Variants in NEURL4 observed in about 807,000 individuals in gnomAD.
NEURL4 encodes the protein neuralized-like protein 4.
Under a neutral mutation model 148.0 loss-of-function variants are expected in NEURL4, and 45 were observed. The observed-to-expected ratio is 0.30, with a 90% CI of 0.24 to 0.39. The LOEUF (loss-of-function observed/expected upper bound fraction) is 0.39, where lower values mean the gene tolerates loss of function less well. Ranked by LOEUF, NEURL4 falls within the 10% of genes least tolerant of loss-of-function variation. NEURL4 has a pLI of 1.00. For missense variants in NEURL4, 1,776 were observed against 2,144.0 expected (o/e 0.83, Z 3.39); for synonymous variants, 854 against 869.0 (o/e 0.98, Z 0.30).
In NEURL4 at chr17:7,325,657, A is replaced by G; in HGVS notation, c.1350T>C (p.Ile450=). ...GGCCCTTACCCTGATCGATACCATT[A>G]ATGAAGAAGTGTAGGGCAGAGTTGG... ...RKSNSALHFF[I]NGIDQGVATP... is the part of the protein sequence containing the mutation. Residue 450 remains isoleucine (I), a synonymous_variant, in exon 7 of 29, where the codon ATT becomes ATC. Coordinates refer to ENST00000399464, the MANE Select transcript of NEURL4 (RefSeq NM_032442.3). The G allele has an allele frequency of 6.2e-7, 1 of 1,613,722 alleles. No individual in the cohort carries two copies. The highest frequency in any genetic ancestry group is 8.5e-7 in the Non-Finnish European group (1 of 1,179,896).
intron 6 of NEURL4, among the ~76,000 whole-genome samples, chr17:7,325,992 G>A (rs1004875352): frequency 2.0e-5 from 3 of 152,186 alleles, no homozygotes; most frequent in African/African-American, 7.2e-5. Context: ...TGCAGGAGGT[G>A]GGGGAGCAAT....
Position 7,325,466 on chromosome 17 carries a change from T to C in NEURL4, c.1374A>G (p.Ala458=). The change falls in exon 8 of 29, where the codon GCA becomes GCG. Residue 458 remains alanine (A), a synonymous_variant. Coordinates refer to ENST00000399464, the MANE Select transcript of NEURL4 (RefSeq NM_032442.3). The stretch of plus-strand genomic sequence containing the variant: ...ACACCACTGGGGGCGTCAAGGGGGT[T>C]GCCACTCCTGTGGCAGGAAGGTACG... ...FFINGIDQGV[A]TPLTPPVVYG... 6.2e-7 allele frequency: 1 copy of C among 1,610,996 alleles called. No individual in the cohort carries two copies. The highest frequency in any genetic ancestry group is 8.5e-7 in the Non-Finnish European group (1 of 1,179,726).
chr17:7,316,317 G>A lies in NEURL4; in HGVS notation c.4495C>T (p.Pro1499Ser). The A allele has an allele frequency of 6.2e-7, 1 of 1,612,094 alleles. No individual in the cohort carries two copies. The highest frequency in any genetic ancestry group is 1.3e-5 in the African/African-American group (1 of 74,958). ...TLASKVQFRD[P>S]KSQRTHQAQV... Reference sequence around the variant, plus strand: ...GCCTGGTGCGTCCGCTGGGATTTGGGGTCCCGGAATCTGTCAGACAAGAAA... The same window carrying A: ...GCCTGGTGCGTCCGCTGGGATTTGGAGTCCCGGAATCTGTCAGACAAGAAA... Residue 1499 changes from proline (P) to serine (S), a missense_variant, in exon 29 of 29, where the codon CCC becomes TCC. Coordinates refer to ENST00000399464, the MANE Select transcript of NEURL4 (RefSeq NM_032442.3).
rs1597636590 is a variant in NEURL4 at position 7,324,173 on chromosome 17, G to A, written c.1997C>T (p.Pro666Leu). The A allele has an allele frequency of 2.7e-5, 44 of 1,613,670 alleles. No individual in the cohort carries two copies. Among genetic ancestry groups the A allele is most frequent in the Non-Finnish European group, 3.4e-5 (40 of 1,180,002 alleles). ...GAGATCGACGACAGCATAGACGCCC[G>A]GGGGCACGTTCCAGGCAGCAGGGCC... Reference protein sequence around the residue: ...TQGPAAWNVPPGVYAVVDLYG... With the variant: ...TQGPAAWNVPLGVYAVVDLYG... Residue 666 changes from proline (P) to leucine (L), a missense_variant, in exon 11 of 29, where the codon CCG (proline) becomes CTG (leucine). Physicochemically the swap from Pro to Leu is moderately conservative, Grantham distance 98. Transcript: ENST00000399464. The surrounding 1 kb of genome is among the most constrained non-coding windows in gnomAD (Gnocchi z 5.9).
rs1490645529 is a variant in NEURL4, at chr17:7,327,163, A to T, written c.793+2T>A. ...TTCCCAGGGCCTCCCCAAAGCCCTC[A>T]CCATTATGCGACTCAAGGCTGTTAG... On this transcript the variant is annotated splice_donor_variant, in intron 3 of 28. Transcript: ENST00000399464. LOFTEE classifies it high-confidence loss of function. This position sits in a 1 kb window ranked among gnomAD's most constrained non-coding sequence, Gnocchi z 6.6. 6.2e-7 allele frequency: 1 copy of T among 1,612,038 alleles called. No homozygotes were observed. The highest frequency in any genetic ancestry group is 1.1e-5 in the South Asian group (1 of 90,978).
Position 7,325,691 on chromosome 17 carries a change from G to A in NEURL4, c.1316C>T (p.Thr439Ile). The change falls in exon 7 of 29, where the codon ACA becomes ATA. Residue 439 changes from threonine (T) to isoleucine (I), a missense_variant. Physicochemically the swap from Thr to Ile is moderately conservative, Grantham distance 89. Transcript: ENST00000399464. ...GTGTAGGGCAGAGTTGGACTTCCTT[G>A]TGAGGCCAATGTGGTCACCCTCCTA... The part of the protein sequence containing the change: ...ELQEGDHIGL[T>I]RKSNSALHFF... 6.2e-7 allele frequency: 1 copy of A among 1,613,794 alleles called. No individual in the cohort carries two copies. Among genetic ancestry groups the A allele is most frequent in the Non-Finnish European group, 8.5e-7 (1 of 1,179,954 alleles).
chr17:7,327,516 G>T lies in NEURL4; in HGVS notation c.651C>A (p.Ile217=), dbSNP rs1172158359. 1.2e-5 allele frequency: 20 copies of T among 1,601,384 alleles called. No individual in the cohort carries two copies. The highest frequency in any genetic ancestry group is 1.6e-5 in the Non-Finnish European group (19 of 1,172,982). The change falls in exon 2 of 29, where the codon ATC becomes ATA. Residue 217 remains isoleucine, a synonymous_variant. Transcript: ENST00000399464. This position sits in a 1 kb window ranked among gnomAD's most constrained non-coding sequence, Gnocchi z 6.6. ...PEPGFSPPTP[I]PTPPLEPLAP... is the part of the protein sequence containing the mutation. ...CCAAGGGCTCGAGGGGAGGTGTGGG[G>T]ATGGGAGTAGGGGGGCTGAAGCCTG...
chr17:7,321,449 C>T lies in NEURL4; in HGVS notation c.3110G>A (p.Arg1037His), dbSNP rs370214829. The T allele has an allele frequency of 2.1e-5, 34 of 1,614,102 alleles. No homozygotes were observed. Among genetic ancestry groups the T allele is most frequent in the Middle Eastern group, 1.6e-4 (1 of 6,062 alleles). ...ATCTGCCCCCCGACGAACACCCACA[C>T]GGCTCCCCACCTAGGACCGAGGTAG... ...RNLERLGVGS[R>H]VGVRRGADDT... is the part of the protein sequence containing the mutation. Residue 1037 changes from arginine (R) to histidine (H), a missense_variant, in exon 19 of 29, where the codon CGT becomes CAT. Arg to His is a conservative substitution (Grantham distance 29). Coordinates refer to ENST00000399464, the MANE Select transcript of NEURL4 (RefSeq NM_032442.3). The surrounding 1 kb of genome is among the most constrained non-coding windows in gnomAD (Gnocchi z 6.3).
Position 7,322,385 on chromosome 17 carries a change from T to C in NEURL4, c.2725+350A>G, listed in dbSNP as rs1194147724. Among the ~76,000 whole-genome samples, 1 of 152,192 alleles carries C rather than the reference T, an allele frequency of 6.6e-6. No homozygotes were observed. The highest frequency in any genetic ancestry group is 1.5e-5 in the Non-Finnish European group (1 of 68,022). On this transcript the variant is annotated intron_variant, in intron 16 of 28. Coordinates refer to ENST00000399464, the MANE Select transcript of NEURL4 (RefSeq NM_032442.3). The surrounding 1 kb of genome is among the most constrained non-coding windows in gnomAD (Gnocchi z 5.5). ...GTTTCCCAGGCTGGTCTCAAACTCTTGTGCTCGAGAGATCCACCTGCCTTG... is the reference window on the plus strand; with the variant it reads ...GTTTCCCAGGCTGGTCTCAAACTCTCGTGCTCGAGAGATCCACCTGCCTTG...
At position 7,318,284 on chromosome 17, in the gene NEURL4, C is replaced by T; in HGVS notation, c.3937G>A (p.Ala1313Thr). 1.2e-6 allele frequency: 2 copies of T among 1,614,140 alleles called. No homozygotes were observed. Among genetic ancestry groups the T allele is most frequent in the Non-Finnish European group, 1.7e-6 (2 of 1,180,008 alleles). ...SAGTQGDMEK[A>T]DMVDGIKESV... ...GCTGGCACACCGTCCACCATGTCTG[C>T]TTTCTCCATGTCCCCTTGGGTTCCA... Residue 1313 changes from alanine (A) to threonine (T), a missense_variant, in exon 24 of 29, where the codon GCA (alanine) becomes ACA (threonine). Ala to Thr is a moderately conservative substitution (Grantham distance 58). Coordinates refer to ENST00000399464, the MANE Select transcript of NEURL4 (RefSeq NM_032442.3). This position sits in a 1 kb window ranked among gnomAD's most constrained non-coding sequence, Gnocchi z 4.3.
In NEURL4 at chr17:7,324,026, C is replaced by T. The variant is rs1035312743; in HGVS notation, c.2063-14G>A. The T allele has an allele frequency of 3.7e-6, 6 of 1,608,760 alleles. No individual in the cohort carries two copies. Among genetic ancestry groups the T allele is most frequent in the South Asian group, 1.1e-5 (1 of 91,090 alleles). On this transcript the variant is annotated splice_polypyrimidine_tract_variant and intron_variant, in intron 11 of 28. Coordinates refer to ENST00000399464, the MANE Select transcript of NEURL4 (RefSeq NM_032442.3). This position sits in a 1 kb window ranked among gnomAD's most constrained non-coding sequence, Gnocchi z 5.9. Reference sequence around the variant, plus strand: ...CTGGAGCCACCTCTGTAAAAGTGGACATCACCCATCAGGTCTCTAGGTGTC... The same window carrying T: ...CTGGAGCCACCTCTGTAAAAGTGGATATCACCCATCAGGTCTCTAGGTGTC...
chr17:7,319,026 TC>T (rs1262747579), intron 22 of NEURL4, 23 bp downstream of exon 22: 1 of 1,592,642 alleles, frequency 6.3e-7, no homozygotes, highest in Admixed American at 1.8e-5. Context: ...CTGGTCCTGT[TC>T]CTTCTCTCTG....
Position 7,326,819 on chromosome 17 carries a change from G to A in NEURL4, c.984C>T (p.Ile328=). ...LLFHEKCGTL[I]KLSNNNKTAE... ...CCGTCTTATTATTGTTGCTGAGTTT[G>A]ATGAGGGTCCCGCACTTTTCATGAA... Residue 328 remains isoleucine, a synonymous_variant, in exon 4 of 29, where the codon ATC becomes ATT. Coordinates refer to ENST00000399464, the MANE Select transcript of NEURL4 (RefSeq NM_032442.3). This position sits in a 1 kb window ranked among gnomAD's most constrained non-coding sequence, Gnocchi z 6.0. 6.2e-7 allele frequency: 1 copy of A among 1,613,404 alleles called. No individual in the cohort carries two copies. Among genetic ancestry groups the A allele is most frequent in the African/African-American group, 1.3e-5 (1 of 75,004 alleles).
chr17:7,318,143 G>A lies in NEURL4; in HGVS notation c.3982C>T (p.Pro1328Ser), dbSNP rs1436629105. 1.2e-6 allele frequency: 2 copies of A among 1,614,056 alleles called. No homozygotes were observed. The highest frequency in any genetic ancestry group is 1.7e-5 in the Admixed American group (1 of 60,012). ...GIKESVCWGP[P>S]PAASPLKSCE... ...CTCTTTAGAGGACTAGCGGCAGGTG[G>A]TGGACCCCAGCACACACTCTCTTTG... The change falls in exon 25 of 29, where the codon CCA (proline) becomes TCA (serine). Residue 1328 changes from proline to serine, a missense_variant. Physicochemically the swap from Pro to Ser is moderately conservative, Grantham distance 74 (BLOSUM62 -1). Transcript: ENST00000399464. This position sits in a 1 kb window ranked among gnomAD's most constrained non-coding sequence, Gnocchi z 4.3.
In NEURL4 at chr17:7,321,850, A is replaced by C; in HGVS notation, c.2871+15T>G. ...ATGGGCCTCGCAGCCCCTCTGTCAC[A>C]TCACTACGGCCTACCTCAAAGACTT... is the stretch of plus-strand genomic sequence containing the variant. On this transcript the variant is annotated intron_variant, in intron 17 of 28. Coordinates refer to ENST00000399464, the MANE Select transcript of NEURL4 (RefSeq NM_032442.3). This position sits in a 1 kb window ranked among gnomAD's most constrained non-coding sequence, Gnocchi z 6.3. 6.2e-7 allele frequency: 1 copy of C among 1,612,668 alleles called. No individual in the cohort carries two copies. The highest frequency in any genetic ancestry group is 8.5e-7 in the Non-Finnish European group (1 of 1,179,074).
In NEURL4 at chr17:7,322,898, C is replaced by G. The variant is rs373583521; in HGVS notation, c.2594-32G>C. 1.2e-6 allele frequency: 2 copies of G among 1,610,858 alleles called. No individual in the cohort carries two copies. The highest frequency in any genetic ancestry group is 2.7e-5 in the African/African-American group (2 of 74,866). On this transcript the variant is annotated intron_variant, in intron 15 of 28. Coordinates refer to ENST00000399464, the MANE Select transcript of NEURL4 (RefSeq NM_032442.3). This position sits in a 1 kb window ranked among gnomAD's most constrained non-coding sequence, Gnocchi z 5.5. ...AGGAGAGGGAAGGTCAGAAGCCTGACAGCCAGGTGGTCTGGGCTGAGGGTG... is the reference window on the plus strand; with the variant it reads ...AGGAGAGGGAAGGTCAGAAGCCTGAGAGCCAGGTGGTCTGGGCTGAGGGTG...
chr17:7,317,085 G>T, intron 28 of NEURL4, 120 bp downstream of exon 28: 4 of 630,062 alleles, frequency 6.3e-6, no homozygotes, highest in Non-Finnish European at 1.0e-5. Context: ...GTTGGAGACT[G>T]GCAGCTAGCA....
chr17:7,321,507 C>T lies in NEURL4; in HGVS notation c.3100-48G>A. On this transcript the variant is annotated intron_variant, in intron 18 of 28. Coordinates refer to ENST00000399464, the MANE Select transcript of NEURL4 (RefSeq NM_032442.3). This position sits in a 1 kb window ranked among gnomAD's most constrained non-coding sequence, Gnocchi z 6.3. ...ACGGACGATGTTCAGCCCACCTCTC[C>T]CTGCCACCTCCACTCCCAACCCCTC... 1 of 1,612,870 alleles carries T rather than the reference C, an allele frequency of 6.2e-7. No individual in the cohort carries two copies. The highest frequency in any genetic ancestry group is 8.5e-7 in the Non-Finnish European group (1 of 1,178,926).
chr17:7,318,026 C>G lies in NEURL4; in HGVS notation c.4060+39G>C. On this transcript the variant is annotated intron_variant, in intron 25 of 28. Transcript: ENST00000399464. This position sits in a 1 kb window ranked among gnomAD's most constrained non-coding sequence, Gnocchi z 4.3. ...GCTCTCCAAGGCTCTAGGCCTGGCC[C>G]TGGGAATGAAGTCAGTTCTGGCGGA... is the stretch of plus-strand genomic sequence containing the variant. 6.2e-7 allele frequency: 1 copy of G among 1,613,790 alleles called. No homozygotes were observed. Among genetic ancestry groups the G allele is most frequent in the Non-Finnish European group, 8.5e-7 (1 of 1,179,656 alleles).
Sources: gnomAD v4.1 joint callset for allele counts (sites outside exome capture counted in the v4.1 genomes callset) on GRCh38, gnomAD v4.1.1 for gene constraint, Gnocchi (gnomAD v3.1) non-coding constraint, MANE v1.5 for transcripts, NCBI Gene and HGNC (gene_info 2026-07-23, HGNC 2026-07-21) for gene names.